The following FAM120B variants were observed in gnomAD, a reference collection of about 807,000 sequenced individuals.
FAM120B encodes the protein constitutive coactivator of peroxisome proliferator-activated receptor gamma.
In FAM120B, 83 loss-of-function variants were observed where a neutral mutation model predicts 96.3. That is an observed-to-expected ratio of 0.86 (90% CI 0.72 to 1.03). The LOEUF is 1.03. Among genes scored for constraint, FAM120B ranks in the 50% least tolerant of loss-of-function variants. The probability of loss-of-function intolerance (pLI) is 0.00; values close to 1 mark genes in which losing one functional copy is unlikely to be tolerated. For synonymous variants in FAM120B, 407 were observed against 402.7 expected, an observed-to-expected ratio of 1.01 and a Z score of -0.13; for missense variants, 1,027 against 1,121.2, an observed-to-expected ratio of 0.92 and a Z score of 1.20.
chr6:170,368,466 CATA>C (rs1297174133), intron 6 of FAM120B, among the ~76,000 whole-genome samples: 1 of 152,154 alleles, frequency 6.6e-6, no homozygotes, highest in Non-Finnish European at 1.5e-5. Flanking sequence ...GCTTTGAAGA[CATA>C]ATGAGATCAA....
intron 6 of FAM120B, among the ~76,000 whole-genome samples, chr6:170,361,511 G>T (rs80188454): frequency 6.6e-6 from 1 of 152,108 alleles, no homozygotes; most frequent in African/African-American, 2.4e-5. Flanking sequence ...TGCACGTGAC[G>T]GGAGGCTGCT....
At chr6:170,368,281 C>T (rs1198508033) in intron 6 of FAM120B, among the ~76,000 whole-genome samples, 2 of 152,146 alleles carry the variant, frequency 1.3e-5, no homozygotes. Flanking sequence ...ACCATGCACT[C>T]CCTTTACTTC....
intron 6 of FAM120B, among the ~76,000 whole-genome samples, chr6:170,361,222 A>ATATATATATATATATATACG (rs1788401976): frequency 9.8e-6 from 1 of 102,004 alleles, no homozygotes; most frequent in African/African-American, 3.4e-5. Context: ...ATATATATAT[A>ATATATATATATATATATACG]TATATATATA....
At chr6:170,398,557 G>T (rs900320166) in intron 9 of FAM120B, among the ~76,000 whole-genome samples, 9 of 142,004 alleles carry the variant, frequency 6.3e-5, no homozygotes, top group Non-Finnish European at 1.4e-4. Flanking sequence ...AGTGAGAAAG[G>T]TAGAACTATG....
At chr6:170,349,433 C>A (rs11752174) in intron 5 of FAM120B, among the ~76,000 whole-genome samples, 22,015 of 152,222 alleles carry the variant, frequency 0.14, 1,995 homozygotes, top group Non-Finnish European at 0.2. Flanking sequence ...AAATACATCT[C>A]AAGGGAATCT....
At chr6:170,299,575 A>C (rs188193409) in intron 1 of FAM120B, among the ~76,000 whole-genome samples, 79 of 152,232 alleles carry the variant, frequency 5.2e-4, no homozygotes, top group African/African-American at 1.9e-3. Context: ...TCCATCCTTT[A>C]CTTCCTGTTG....
intron 6 of FAM120B, among the ~76,000 whole-genome samples, chr6:170,386,229 T>C (rs1422379853): frequency 6.6e-6 from 1 of 152,186 alleles, no homozygotes; most frequent in East Asian, 1.9e-4. Flanking sequence ...GTGGGAAATC[T>C]CTGTACCTTC....
chr6:170,400,977 C>T (rs1778547763), intron 9 of FAM120B, among the ~76,000 whole-genome samples: 1 of 152,172 alleles, frequency 6.6e-6, no homozygotes, highest in African/African-American at 2.4e-5. Flanking sequence ...TTAAACTAGA[C>T]CAAAAGAACC....
intron 8 of FAM120B, among the ~76,000 whole-genome samples, chr6:170,394,247 T>C (rs2115326747): frequency 6.6e-6 from 1 of 152,264 alleles, no homozygotes; most frequent in Admixed American, 6.5e-5. Flanking sequence ...GAGTCAGCCT[T>C]AGAGACCACA....
chr6:170,307,339 G>A (rs943211126), intron 1 of FAM120B, among the ~76,000 whole-genome samples: 3 of 152,186 alleles, frequency 2.0e-5, no homozygotes, highest in African/African-American at 4.8e-5. Flanking sequence ...GCTCTTGGGG[G>A]AAAGACAGAC....
At chr6:170,296,065 G>T (rs1783994145) in intron 1 of FAM120B, among the ~76,000 whole-genome samples, 1 of 152,178 alleles carries the variant, frequency 6.6e-6, no homozygotes, top group South Asian at 2.1e-4. Flanking sequence ...ATGACAAAGC[G>T]CGTGTTTACC....
At chr6:170,352,963 T>A (rs554581197) in intron 5 of FAM120B, among the ~76,000 whole-genome samples, 13 of 151,664 alleles carry the variant, frequency 8.6e-5, no homozygotes, top group East Asian at 3.9e-4. Context: ...TGTTTTTTTT[T>A]AAATTAATAG....
At chr6:170,303,693 G>A (rs138901578), upstream of FAM120B, among the ~76,000 whole-genome samples, 38 of 152,218 alleles carry the variant, frequency 2.5e-4, no homozygotes, top group South Asian at 2.3e-3. Context: ...GTAAACACAC[G>A]TAAGGTCACC....
chr6:170,336,499 G>A (rs751685553), intron 4 of FAM120B, among the ~76,000 whole-genome samples: 6 of 152,124 alleles, frequency 3.9e-5, no homozygotes, highest in East Asian at 1.9e-4. Flanking sequence ...TTTTGCTTAC[G>A]GTTGTCTTGG....
rs544250317 is a variant in FAM120B at position 170,318,591 on chromosome 6, G to C, written c.1201G>C (p.Val401Leu). ...TACAGGCCCTGAATCCAGGCGAGAA[G>C]TTCCCATGTGTTCAGACCCTGAACC... ...TCTGPESRREVPMCSDPEPRQ... is the reference protein window; with the variant it reads ...TCTGPESRRELPMCSDPEPRQ... The change falls in exon 2 of 11, where the codon GTT (valine) becomes CTT (leucine). Residue 401 changes from valine to leucine, a missense_variant. Around this residue, in one of 3 missense-constraint regions of FAM120B, gnomAD observed 880 missense variants for 980.9 expected, o/e 0.90. Coordinates refer to ENST00000476287, the MANE Select transcript of FAM120B (RefSeq NM_032448.3). 6.4e-7 allele frequency: 1 copy of C among 1,573,822 alleles called. No homozygotes were observed. Among genetic ancestry groups the C allele is most frequent in the South Asian group, 1.1e-5 (1 of 87,030 alleles).
chr6:170,396,746 G>T lies in FAM120B; in HGVS notation c.2692+1167G>T, dbSNP rs191438676. Among the ~76,000 whole-genome samples the T allele has an allele frequency of 1.3e-4, 20 of 152,352 alleles. No individual in the cohort carries two copies. In the East Asian group the frequency reaches 3.9e-3, roughly 29 times the overall value. On this transcript the variant is annotated intron_variant, in intron 9 of 10. Transcript: ENST00000476287. ...GTATTTATACCAGTGCAGGGCAACTGAGATCTGGGCAAAAGACCTTCCATT... is the reference window on the plus strand; with the variant it reads ...GTATTTATACCAGTGCAGGGCAACTTAGATCTGGGCAAAAGACCTTCCATT...
intron 6 of FAM120B, among the ~76,000 whole-genome samples, chr6:170,388,037 G>A (rs1268896079): frequency 1.3e-5 from 2 of 152,152 alleles, no homozygotes; most frequent in Non-Finnish European, 2.9e-5. Context: ...GGTTTGAATG[G>A]ATGGGTGGAT....
chr6:170,399,520 T>G (rs1778418130), intron 9 of FAM120B, among the ~76,000 whole-genome samples: 4 of 149,542 alleles, frequency 2.7e-5, no homozygotes. Context: ...TAGGAGTGAG[T>G]GGGGAAGGTA....
chr6:170,307,043 G>A (rs1315535910), intron 1 of FAM120B, among the ~76,000 whole-genome samples: 1 of 152,180 alleles, frequency 6.6e-6, no homozygotes, highest in African/African-American at 2.4e-5. Context: ...CGAGCCCGTC[G>A]TCATCCCTGT....
Sources: gnomAD v4.1 joint callset for allele counts (sites outside exome capture counted in the v4.1 genomes callset) on GRCh38, gnomAD v4.1.1 for gene constraint, gnomAD v4.1.1 regional missense constraint, MANE v1.5 for transcripts, NCBI Gene and HGNC (gene_info 2026-07-23, HGNC 2026-07-21) for gene names.